NCOA7: variants seen among roughly 807,000 people sequenced by gnomAD.
The protein encoded by NCOA7 is 140 kDa estrogen receptor-associated protein.
In NCOA7, 45 loss-of-function variants were observed where a neutral mutation model predicts 104.3. The observed-to-expected ratio is 0.43, with a 90% CI of 0.34 to 0.55. NCOA7 has a LOEUF of 0.55. NCOA7 is among the 20% of genes least tolerant of loss of function. NCOA7 has a pLI of 0.02. For missense variants in NCOA7, 1,041 were observed against 1,119.7 expected, an observed-to-expected ratio of 0.93 and a Z score of 1.00; for synonymous variants, 398 against 402.3, an observed-to-expected ratio of 0.99 and a Z score of 0.13.
chr6:125,787,894 T>G (rs1398074185), upstream of NCOA7, among the ~76,000 whole-genome samples: 3 of 152,214 alleles, frequency 2.0e-5, no homozygotes, highest in Admixed American at 1.3e-4. Flanking sequence ...AATTCCTATA[T>G]CCACCCTATA....
intron 1 of NCOA7, among the ~76,000 whole-genome samples, chr6:125,785,526 C>A (rs1004386155): frequency 6.6e-6 from 1 of 151,566 alleles, no homozygotes; most frequent in Non-Finnish European, 1.5e-5. Context: ...TTGAAAAAAA[C>A]CCCTATTAGC....
chr6:125,821,144 C>T (rs1402783709), intron 2 of NCOA7, among the ~76,000 whole-genome samples: 1 of 152,102 alleles, frequency 6.6e-6, no homozygotes, highest in Non-Finnish European at 1.5e-5. Flanking sequence ...TCATCTTTAG[C>T]TATGATCAGC....
intron 2 of NCOA7, among the ~76,000 whole-genome samples, chr6:125,847,159 C>T (rs1780688046): frequency 1.3e-5 from 2 of 151,984 alleles, no homozygotes; most frequent in Non-Finnish European, 2.9e-5. Context: ...TGTGTATGTA[C>T]CCTTGTACAC....
rs557238238 is a variant in NCOA7, at chr6:125,929,490, A to ATGTG, written c.*727_*730dup. Reference sequence around the variant, plus strand: ...TCTGTATGTGGGTATATAGAGATATATGTGTGTGTGTATGTATATGTACAT... The same window carrying ATGTG: ...TCTGTATGTGGGTATATAGAGATATATGTGTGTGTGTGTGTATGTATATGTACAT... On this transcript the variant is annotated 3_prime_UTR_variant, in exon 16 of 16. Transcript: ENST00000392477. 2 of 151,948 alleles carry ATGTG rather than the reference A, an allele frequency of 1.3e-5. No homozygotes were observed. The highest frequency in any genetic ancestry group is 1.3e-4 in the Admixed American group (2 of 15,244). 9.4% of individuals were successfully genotyped at this position (151,948 alleles called of 1,614,324 possible).
At chr6:125,818,723 AAAAGAGCCATCC>A (rs1349481328) in intron 2 of NCOA7, 2 of 152,260 alleles carry the variant, frequency 1.3e-5, no homozygotes, top group African/African-American at 4.8e-5. Flanking sequence ...CTATAATCAG[AAAAGAGCCATCC>A]AAAGTTATAC....
upstream of NCOA7, among the ~76,000 whole-genome samples, chr6:125,789,950 G>A (rs1327917657): frequency 6.6e-6 from 1 of 152,206 alleles, no homozygotes; most frequent in Non-Finnish European, 1.5e-5. Flanking sequence ...ATGTTGCAGT[G>A]CTGGTCATGG....
At chr6:125,827,118 C>T (rs573426099) in intron 2 of NCOA7, among the ~76,000 whole-genome samples, 126 of 141,342 alleles carry the variant, frequency 8.9e-4, no homozygotes, top group African/African-American at 3.3e-3. Context: ...ACCCCGGAGG[C>T]AGAGGTTGTG....
chr6:125,912,364 A>G (rs1197375671), intron 10 of NCOA7, among the ~76,000 whole-genome samples: 1 of 109,694 alleles, frequency 9.1e-6, no homozygotes, highest in East Asian at 3.3e-4. Context: ...CTTTCTCTCC[A>G]TATTGCTGCG....
At chr6:125,893,505 C>G (rs570591275) in intron 10 of NCOA7, among the ~76,000 whole-genome samples, 1 of 152,000 alleles carries the variant, frequency 6.6e-6, no homozygotes, top group Non-Finnish European at 1.5e-5. Flanking sequence ...TGTACCAAAT[C>G]TCTCCTTCTT....
intron 2 of NCOA7, among the ~76,000 whole-genome samples, chr6:125,854,570 A>C (rs1781395961): frequency 6.6e-6 from 1 of 152,348 alleles, no homozygotes; most frequent in East Asian, 1.9e-4. Flanking sequence ...TTTACTCAGT[A>C]TGTGAGCCAA....
intron 1 of NCOA7, among the ~76,000 whole-genome samples, chr6:125,792,703 T>C (rs144472713): frequency 4.4e-4 from 67 of 152,292 alleles, no homozygotes; most frequent in African/African-American, 1.6e-3. Context: ...GTTTCCAAAT[T>C]TGACAGCCAG....
chr6:125,916,129 C>T (rs910901108), intron 11 of NCOA7, among the ~76,000 whole-genome samples: 7 of 152,096 alleles, frequency 4.6e-5, no homozygotes, highest in African/African-American at 9.7e-5. Flanking sequence ...ACAGTTTCCC[C>T]GTGCTGTTCT....
At chr6:125,799,316 A>G (rs1775658655) in intron 1 of NCOA7, among the ~76,000 whole-genome samples, 1 of 152,090 alleles carries the variant, frequency 6.6e-6, no homozygotes, top group Non-Finnish European at 1.5e-5. Flanking sequence ...CTTCCACACC[A>G]GGTTTATACT....
chr6:125,797,634 T>C (rs904975842), intron 1 of NCOA7, among the ~76,000 whole-genome samples: 6 of 152,202 alleles, frequency 3.9e-5, no homozygotes, highest in Non-Finnish European at 7.3e-5. Context: ...GTGAGAGTGC[T>C]CTGAGTAGCA....
At chr6:125,831,397 A>G (rs1039749918) in intron 2 of NCOA7, among the ~76,000 whole-genome samples, 1 of 152,136 alleles carries the variant, frequency 6.6e-6, no homozygotes, top group African/African-American at 2.4e-5. Context: ...TTAATGAGCT[A>G]TCAGTTTATT....
At chr6:125,829,395 G>A (rs1778949400) in intron 2 of NCOA7, among the ~76,000 whole-genome samples, 1 of 152,198 alleles carries the variant, frequency 6.6e-6, no homozygotes, top group Non-Finnish European at 1.5e-5. Flanking sequence ...TAATATATTA[G>A]TGTATTAGTA....
At chr6:125,927,620 T>G in intron 13 of NCOA7, 43 bp from the exon 14 acceptor site, 1 of 1,423,258 alleles carries the variant, frequency 7.0e-7, no homozygotes, top group Non-Finnish European at 9.9e-7. Flanking sequence ...GCTTTGGGGA[T>G]TTAGGTTTGA....
At chr6:125,850,469 G>T (rs1475280711) in intron 2 of NCOA7, among the ~76,000 whole-genome samples, 1 of 152,064 alleles carries the variant, frequency 6.6e-6, no homozygotes, top group African/African-American at 2.4e-5. Flanking sequence ...TGTAGAAAAG[G>T]GAGAAAAAGA....
chr6:125,888,907 T>G (rs1784430893), intron 8 of NCOA7, 32 bp from the exon 9 acceptor site: 18 of 1,472,652 alleles, frequency 1.2e-5, no homozygotes, highest in Non-Finnish European at 1.6e-5. Flanking sequence ...TTTTTAACAT[T>G]CCATGTGCAC....
Sources: gnomAD v4.1 joint callset for allele counts (sites outside exome capture counted in the v4.1 genomes callset) on GRCh38, gnomAD v4.1.1 for gene constraint, MANE v1.5 for transcripts, NCBI Gene and HGNC (gene_info 2026-07-23, HGNC 2026-07-21) for gene names.